Variants in ZFPM1 observed in about 807,000 individuals in gnomAD.
ZFPM1 encodes zinc finger protein, FOG family member 1, also known as zinc finger protein ZFPM1.
Under a neutral mutation model 46.3 loss-of-function variants are expected in ZFPM1, and 28 were observed. The observed-to-expected ratio is 0.60, with a 90% CI of 0.45 to 0.83. ZFPM1 has a LOEUF of 0.83. Ranked by LOEUF, ZFPM1 falls within the 40% of genes least tolerant of loss-of-function variation. ZFPM1 has a pLI of 0.00. For missense variants in ZFPM1, 1,878 were observed against 1,432.4 expected, an observed-to-expected ratio of 1.31 and a Z score of -5.02; for synonymous variants, 957 against 675.9, an observed-to-expected ratio of 1.42 and a Z score of -6.45.
rs778473387 is a variant in ZFPM1 at position 88,534,411 on chromosome 16, A to C, written c.2453A>C (p.Glu818Ala). 119 of 1,484,960 alleles carry C rather than the reference A, an allele frequency of 8.0e-5. No individual in the cohort carries two copies. The highest frequency in any genetic ancestry group is 6.5e-4 in the South Asian group (53 of 80,976). The allele number at this position is 1,484,960 out of a possible 1,614,324, so 92.0% of individuals were successfully genotyped here. A position where few individuals can be genotyped will look rare whatever the true frequency, so the allele number is the denominator to read the frequency against. The change falls in exon 10 of 10, where the codon GAG becomes GCG. Residue 818 changes from glutamate to alanine, a missense_variant. By Grantham distance (107) the Glu-to-Ala change is moderately radical. Transcript: ENST00000319555. Reference sequence around the variant, plus strand: ...GCACCGGCGCTGGCCGACTACCACGAGTGCACGGCCTGCCGCGTGAGCTTC... The same window carrying C: ...GCACCGGCGCTGGCCGACTACCACGCGTGCACGGCCTGCCGCGTGAGCTTC... ...APAPALADYH[E>A]CTACRVSFHS...
At chr16:88,492,648 A>G (rs1909643840) in intron 3 of ZFPM1, among the ~76,000 whole-genome samples, 1 of 152,176 alleles carries the variant, frequency 6.6e-6, no homozygotes, top group Non-Finnish European at 1.5e-5. Context: ...TTTCCCAGGG[A>G]AAGCGACTGG....
intron 4 of ZFPM1, among the ~76,000 whole-genome samples, chr16:88,523,644 G>A (rs1199810115): frequency 6.6e-6 from 1 of 152,238 alleles, no homozygotes; most frequent in Non-Finnish European, 1.5e-5. Context: ...CAGCAGCCAG[G>A]GCAGACTGGC....
At chr16:88,513,294 C>T (rs1911082107) in intron 3 of ZFPM1, 2 of 152,274 alleles carry the variant, frequency 1.3e-5, no homozygotes, top group South Asian at 2.1e-4. Flanking sequence ...TCGCTGCCAT[C>T]TTATCTGCCC....
At chr16:88,532,545 C>G in intron 7 of ZFPM1, 69 bp from the exon 8 acceptor site, 1 of 1,489,668 alleles carries the variant, frequency 6.7e-7, no homozygotes, top group Non-Finnish European at 9.1e-7. Context: ...GGCCCAGTCG[C>G]CTTCCTCATC....
At chr16:88,468,690 C>T (rs1597231718) in intron 1 of ZFPM1, among the ~76,000 whole-genome samples, 1 of 152,200 alleles carries the variant, frequency 6.6e-6, no homozygotes, top group Non-Finnish European at 1.5e-5. Flanking sequence ...CCCCGCCCCC[C>T]AGAGCCCCAC....
chr16:88,487,867 G>A (rs916399918), intron 2 of ZFPM1, among the ~76,000 whole-genome samples: 5 of 152,188 alleles, frequency 3.3e-5, no homozygotes, highest in African/African-American at 1.2e-4. Context: ...GCCCCAGGAC[G>A]GCCAGGCCAG....
At chr16:88,475,024 C>A (rs868107336) in intron 1 of ZFPM1, among the ~76,000 whole-genome samples, 1 of 152,232 alleles carries the variant, frequency 6.6e-6, no homozygotes, top group South Asian at 2.1e-4. Flanking sequence ...CATGCAGGGA[C>A]AGGTCTGGCT....
intron 3 of ZFPM1, chr16:88,513,257 G>C (rs574773623): frequency 6.6e-6 from 1 of 152,248 alleles, no homozygotes; most frequent in African/African-American, 2.4e-5. Context: ...AAAGGGGCGC[G>C]GGCCTCCTCG....
intron 4 of ZFPM1, among the ~76,000 whole-genome samples, chr16:88,519,275 G>A (rs1911621675): frequency 6.8e-6 from 1 of 147,432 alleles, no homozygotes; most frequent in Non-Finnish European, 1.5e-5. Flanking sequence ...GTGGAGGGAT[G>A]GATGGATGGA....
chr16:88,493,629 G>C (rs1909754142), intron 3 of ZFPM1, among the ~76,000 whole-genome samples: 1 of 105,018 alleles, frequency 9.5e-6, no homozygotes, highest in African/African-American at 2.8e-5. Flanking sequence ...ACAGAGAGCT[G>C]TCCCGGGGTG....
chr16:88,476,200 C>T (rs550809394), intron 1 of ZFPM1, among the ~76,000 whole-genome samples: 106 of 152,190 alleles, frequency 7.0e-4, no homozygotes, highest in African/African-American at 2.5e-3. Flanking sequence ...GACCCGAAGG[C>T]CCCTCGCGGG....
In ZFPM1 at chr16:88,533,337, G is replaced by A. The variant is rs956525347; in HGVS notation, c.1379G>A (p.Arg460Lys). Residue 460 changes from arginine to lysine, a missense_variant, in exon 10 of 10, where the codon AGG (arginine) becomes AAG (lysine). Physicochemically the swap from Arg to Lys is conservative, Grantham distance 26 (BLOSUM62 2). Transcript: ENST00000319555. The part of the protein sequence containing the change: ...GGSSEPPAAP[R>K]SIKVEAVEEP... ...AGCAGCGAGCCCCCGGCGGCCCCCA[G>A]GAGCATCAAGGTGGAGGCGGTGGAG... 34 of 1,532,356 alleles carry A rather than the reference G, an allele frequency of 2.2e-5. No homozygotes were observed. Among genetic ancestry groups the A allele is most frequent in the African/African-American group, 4.1e-5 (3 of 72,438 alleles). 94.9% of individuals were successfully genotyped at this position (1,532,356 alleles called of 1,614,324 possible).
chr16:88,453,545 T>G lies in ZFPM1; in HGVS notation c.-94T>G. On this transcript the variant is annotated 5_prime_UTR_variant, in exon 1 of 10. It removes an upstream start codon present in the reference 5' UTR. Coordinates refer to ENST00000319555, the MANE Select transcript of ZFPM1 (RefSeq NM_153813.3). Reference sequence around the variant, plus strand: ...CCGCGGAGACCGGGGGCCGGGGGCATGAGCGGCCCCGCGGCCCCGCCGCGC... The same window carrying G: ...CCGCGGAGACCGGGGGCCGGGGGCAGGAGCGGCCCCGCGGCCCCGCCGCGC... The G allele has an allele frequency of 1.7e-6, 1 of 601,602 alleles. No individual in the cohort carries two copies. Among genetic ancestry groups the G allele is most frequent in the Non-Finnish European group, 2.1e-6 (1 of 484,280 alleles). The allele number at this position is 601,602 out of a possible 1,614,324, so 37.3% of individuals were successfully genotyped here.
intron 1 of ZFPM1, among the ~76,000 whole-genome samples, chr16:88,473,837 G>A (rs1238862549): frequency 6.6e-6 from 1 of 152,200 alleles, no homozygotes; most frequent in Non-Finnish European, 1.5e-5. Flanking sequence ...CCTGTGCGGT[G>A]GTCCTTGCCC....
At chr16:88,489,976 G>T (rs559881617) in intron 3 of ZFPM1, among the ~76,000 whole-genome samples, 38 of 152,076 alleles carry the variant, frequency 2.5e-4, no homozygotes, top group African/African-American at 8.7e-4. Context: ...GGGTCGCAAG[G>T]TCCCCCGTGG....
Position 88,532,159 on chromosome 16 carries a change from C to G in ZFPM1, c.870C>G (p.Arg290=). 1 of 1,612,542 alleles carries G rather than the reference C, an allele frequency of 6.2e-7. No homozygotes were observed. The highest frequency in any genetic ancestry group is 8.5e-7 in the Non-Finnish European group (1 of 1,179,732). ...EKPKETYPNE[R]VCPFPQCRKS... The stretch of plus-strand genomic sequence containing the variant: ...CCAAAGAGACCTACCCCAACGAGCG[C>G]GTCTGCCCCTTCCCCCAGTGCCGCA... Residue 290 remains arginine (R), a synonymous_variant, in exon 7 of 10, where the codon CGC becomes CGG. Coordinates refer to ENST00000319555, the MANE Select transcript of ZFPM1 (RefSeq NM_153813.3).
intron 3 of ZFPM1, among the ~76,000 whole-genome samples, chr16:88,504,781 C>A (rs1457642994): frequency 2.0e-5 from 3 of 152,204 alleles, no homozygotes; most frequent in Admixed American, 6.5e-5. Flanking sequence ...GACCTGGCTC[C>A]GAGCTGTCCT....
At chr16:88,473,367 C>T (rs1270663922) in intron 1 of ZFPM1, among the ~76,000 whole-genome samples, 2 of 152,254 alleles carry the variant, frequency 1.3e-5, no homozygotes, top group Non-Finnish European at 2.9e-5. Flanking sequence ...ACCCTCAGGC[C>T]TCAGCCCAGC....
At position 88,534,722 on chromosome 16, in the gene ZFPM1, G is replaced by T; in HGVS notation, c.2764G>T (p.Gly922Cys). Residue 922 changes from glycine (G) to cysteine (C), a missense_variant, in exon 10 of 10, where the codon GGC becomes TGC. Gly to Cys is a radical substitution (Grantham distance 159, BLOSUM62 -3). Transcript: ENST00000319555. Reference protein sequence around the residue: ...PGSRGPRDGLGPEPQEPPPGP... With the variant: ...PGSRGPRDGLCPEPQEPPPGP... ...GTCCCGTGGCCCCCGGGACGGCCTC[G>T]GCCCGGAGCCCCAGGAGCCGCCGCC... 3.1e-6 allele frequency: 3 copies of T among 974,178 alleles called. No individual in the cohort carries two copies. The highest frequency in any genetic ancestry group is 3.7e-5 in the African/African-American group (2 of 53,846). The allele number at this position is 974,178 out of a possible 1,614,324, so 60.3% of individuals were successfully genotyped here.
Sources: allele counts gnomAD v4.1 joint callset (sites outside exome capture counted in the v4.1 genomes callset), GRCh38; gene constraint gnomAD v4.1.1; transcripts MANE v1.5; gene names NCBI Gene and HGNC (gene_info 2026-07-23, HGNC 2026-07-21).